USP24: variants seen among roughly 807,000 people sequenced by gnomAD.
USP24 encodes ubiquitin carboxyl-terminal hydrolase 24.
Under a neutral mutation model 361.6 loss-of-function variants are expected in USP24, and 97 were observed. The ratio of observed to expected loss-of-function variants is 0.27; its 90% CI spans 0.23 to 0.32. The LOEUF (loss-of-function observed/expected upper bound fraction) is 0.32, where lower values mean the gene tolerates loss of function less well. USP24 is among the 10% of genes least tolerant of loss of function. The probability of loss-of-function intolerance (pLI) is 1.00; values close to 1 mark genes in which losing one functional copy is unlikely to be tolerated. For synonymous variants in USP24, 1,098 were observed against 1,124.6 expected, an observed-to-expected ratio of 0.98 and a Z score of 0.47; for missense variants, 2,353 against 3,165.6, an observed-to-expected ratio of 0.74 and a Z score of 6.16.
At position 55,121,837 on chromosome 1, in the gene USP24, C is replaced by T. The variant is rs985758207; in HGVS notation, c.4277-331G>A. 1.1e-4 allele frequency among the ~76,000 whole-genome samples: 16 copies of T among 152,246 alleles called. No homozygotes were observed. In the East Asian group the frequency reaches 2.9e-3, roughly 27 times the overall value. ...CTTAAAATAAACTTACAAATGATAA[C>T]AGATAAAAGCTTGGAGGGAAGTTAT... is the stretch of plus-strand genomic sequence containing the variant. On this transcript the variant is annotated intron_variant, in intron 36 of 67. Coordinates refer to ENST00000294383, the MANE Select transcript of USP24 (RefSeq NM_015306.3).
Position 55,178,021 on chromosome 1 carries a change from G to C in USP24, c.436C>G (p.Arg146Gly), listed in dbSNP as rs1408844694. 1.3e-6 allele frequency: 2 copies of C among 1,551,592 alleles called. No individual in the cohort carries two copies. The highest frequency in any genetic ancestry group is 2.0e-5 in the Admixed American group (1 of 50,988). ...AGGCATTTGCCTAGTGATTCTTCTC[G>C]CTTGTAAGGGATGGACCAATGATCA... ...LTDHWSIPYK[R>G]EESLGKCLLA... Residue 146 changes from arginine to glycine, a missense_variant, in exon 2 of 68, where the codon CGA becomes GGA. Transcript: ENST00000294383.
At chr1:55,096,664 AT>A in intron 49 of USP24, 42 bp from the exon 50 acceptor site, 1 of 1,586,284 alleles carries the variant, frequency 6.3e-7, no homozygotes, top group Non-Finnish European at 8.5e-7. Context: ...GGTTAAAAAA[AT>A]CAACCTCCTC....
chr1:55,087,371 T>C (rs1374462536), intron 55 of USP24, among the ~76,000 whole-genome samples: 1 of 152,180 alleles, frequency 6.6e-6, no homozygotes, highest in Non-Finnish European at 1.5e-5. Flanking sequence ...CCAAAGGACG[T>C]TACAGTTTCT....
Position 55,137,867 on chromosome 1 carries a change from T to C in USP24, c.2966A>G (p.Lys989Arg). 6.3e-7 allele frequency: 1 copy of C among 1,596,554 alleles called. No homozygotes were observed. The highest frequency in any genetic ancestry group is 8.5e-7 in the Non-Finnish European group (1 of 1,170,452). The change falls in exon 27 of 68, where the codon AAA (lysine) becomes AGA (arginine). Residue 989 changes from lysine to arginine, a missense_variant. Physicochemically the swap from Lys to Arg is conservative, Grantham distance 26. This residue lies in a region of USP24 where 949 missense variants were observed against 1,280.5 expected (regional missense o/e 0.74). Coordinates refer to ENST00000294383, the MANE Select transcript of USP24 (RefSeq NM_015306.3). The stretch of plus-strand genomic sequence containing the variant: ...AGGAGAGCACAACTGCTTGGCTATT[T>C]TCCACCGGACACTCCCTATGGTTTC... ...SNETIGSVRW[K>R]IAKQLCSPVD...
intron 67 of USP24, 137 bp downstream of exon 67, chr1:55,071,677 T>C (rs1279397843): frequency 6.6e-6 from 7 of 1,062,530 alleles, no homozygotes; most frequent in Non-Finnish European, 2.7e-6. Flanking sequence ...CTGAGATCAC[T>C]AGAGGGCAGC....
At chr1:55,199,276 G>A (rs1305750263) in intron 1 of USP24, among the ~76,000 whole-genome samples, 49 of 151,736 alleles carry the variant, frequency 3.2e-4, no homozygotes, top group Non-Finnish European at 5.9e-5. Flanking sequence ...GCGACAGAGC[G>A]AGACTCTGTT....
At chr1:55,134,290 CTT>C in intron 29 of USP24, 36 bp downstream of exon 29, 12 of 1,594,920 alleles carry the variant, frequency 7.5e-6, no homozygotes, top group Non-Finnish European at 1.0e-5. Context: ...ATGTTAGTAA[CTT>C]TCTCTCTGCC....
At chr1:55,109,020 G>A (rs986354603) in intron 39 of USP24, among the ~76,000 whole-genome samples, 10 of 152,088 alleles carry the variant, frequency 6.6e-5, no homozygotes, top group African/African-American at 1.7e-4. Flanking sequence ...ACTCTGTCTC[G>A]CTCTGTCGCC....
intron 1 of USP24, among the ~76,000 whole-genome samples, chr1:55,193,418 T>C (rs986406169): frequency 4.6e-5 from 7 of 152,214 alleles, no homozygotes; most frequent in African/African-American, 7.2e-5. Context: ...GAGGTTGTCC[T>C]ATAATCCAAA....
chr1:55,119,691 A>G (rs1030155417), intron 38 of USP24, among the ~76,000 whole-genome samples: 5 of 151,924 alleles, frequency 3.3e-5, no homozygotes, highest in Non-Finnish European at 7.4e-5. Context: ...AATTTATAAT[A>G]GTTATATATA....
At position 55,068,818 on chromosome 1, in the gene USP24, C is replaced by G. The variant is rs917832569; in HGVS notation, c.*227G>C. The G allele has an allele frequency of 2.5e-5, 14 of 562,214 alleles. No individual in the cohort carries two copies. The African/African-American group carries it at 2.6e-4, about 11-fold the overall frequency. 34.8% of individuals were successfully genotyped at this position (562,214 alleles called of 1,614,324 possible). A position where few individuals can be genotyped will look rare whatever the true frequency, so the allele number is the denominator to read the frequency against. On this transcript the variant is annotated 3_prime_UTR_variant, in exon 68 of 68. Transcript: ENST00000294383. ...TGTGAATCCACATATAGACCACGCTCCCGGGACAGCTGATCCACATGCCGG... is the reference window on the plus strand; with the variant it reads ...TGTGAATCCACATATAGACCACGCTGCCGGGACAGCTGATCCACATGCCGG...
rs142874262 is a variant in USP24 at position 55,099,026 on chromosome 1, G to C, written c.5371-468C>G. Among the ~76,000 whole-genome samples, 10 of 152,280 alleles carry C rather than the reference G, an allele frequency of 6.6e-5. No homozygotes were observed. In the East Asian group the frequency reaches 1.9e-3, roughly 29 times the overall value. On this transcript the variant is annotated intron_variant, in intron 45 of 67. Coordinates refer to ENST00000294383, the MANE Select transcript of USP24 (RefSeq NM_015306.3). ...ACATGGCTTACAGGGTAGAGGTAGA[G>C]AGCTTTGGGTTTCAACAGCACCACG...
intron 67 of USP24, chr1:55,071,058 T>C: frequency 1.1e-6 from 1 of 887,532 alleles, no homozygotes; most frequent in South Asian, 5.2e-5. Flanking sequence ...TGCAGTTACC[T>C]TTCTGTAAAA....
intron 1 of USP24, among the ~76,000 whole-genome samples, chr1:55,210,991 T>C (rs1252143634): frequency 6.6e-6 from 1 of 152,234 alleles, no homozygotes; most frequent in East Asian, 1.9e-4. Context: ...AGTATTAATG[T>C]TTGATGGTAT....
intron 67 of USP24, chr1:55,071,012 A>C (rs1055415352): frequency 1.4e-5 from 6 of 416,876 alleles, no homozygotes; most frequent in African/African-American, 1.3e-4. Context: ...TAATGTGTGG[A>C]GTGACCTTGG....
intron 32 of USP24, 70 bp from the exon 33 acceptor site, chr1:55,125,828 G>A (rs1646413108): frequency 1.5e-6 from 2 of 1,301,226 alleles, no homozygotes; most frequent in African/African-American, 3.0e-5. Context: ...TTTTCCATAA[G>A]TAATGTAATC....
intron 49 of USP24, 41 bp downstream of exon 49, chr1:55,096,911 A>AG: frequency 1.3e-6 from 2 of 1,586,942 alleles, no homozygotes; most frequent in Non-Finnish European, 1.7e-6. Context: ...AGAGCAGGGG[A>AG]GGGCAGAAAG....
Position 55,136,581 on chromosome 1 carries a change from G to T in USP24, c.3201+934C>A, listed in dbSNP as rs538357272. On this transcript the variant is annotated intron_variant, in intron 28 of 67. Transcript: ENST00000294383. ...TGAGGCATGGTGATTGCCTAGACTG[G>T]TGTGCAAGCTGTGGATGCAGAAAAA... Among the ~76,000 whole-genome samples, 8 of 152,290 alleles carry T rather than the reference G, an allele frequency of 5.3e-5. No individual in the cohort carries two copies. The South Asian group carries it at 1.7e-3, about 32-fold the overall frequency.
chr1:55,159,123 G>T, intron 9 of USP24, 87 bp from the exon 10 acceptor site: 2 of 1,184,202 alleles, frequency 1.7e-6, no homozygotes, highest in Non-Finnish European at 1.1e-6. Flanking sequence ...AGAATATAGG[G>T]TAACAGTGGT....
Sources: gnomAD v4.1 joint callset for allele counts (sites outside exome capture counted in the v4.1 genomes callset) on GRCh38, gnomAD v4.1.1 for gene constraint, gnomAD v4.1.1 regional missense constraint, MANE v1.5 for transcripts, NCBI Gene and HGNC (gene_info 2026-07-23, HGNC 2026-07-21) for gene names.